The following PI4K2A variants were observed in gnomAD, a reference collection of about 807,000 sequenced individuals.
PI4K2A encodes phosphatidylinositol 4-kinase type 2 alpha.
A neutral mutation model predicts 55.0 loss-of-function variants in PI4K2A; 20 were observed. That is an observed-to-expected ratio of 0.36 (90% CI 0.26 to 0.53). The LOEUF (loss-of-function observed/expected upper bound fraction) is 0.53, where lower values mean the gene tolerates loss of function less well. Among genes scored for constraint, PI4K2A ranks in the 20% least tolerant of loss-of-function variants. PI4K2A has a pLI of 0.91. For missense variants in PI4K2A, 463 were observed against 637.1 expected (o/e 0.73, Z 2.94); for synonymous variants, 235 against 258.5 (o/e 0.91, Z 0.87).
intron 8 of PI4K2A, among the ~76,000 whole-genome samples, chr10:97,669,799 C>T (rs563936424): frequency 1.3e-5 from 2 of 149,714 alleles, no homozygotes; most frequent in African/African-American, 4.9e-5. Context: ...AGTGAAGAGG[C>T]CCCACAGGGA....
At chr10:97,657,067 C>A in intron 4 of PI4K2A, 93 bp downstream of exon 4, 1 of 1,219,532 alleles carries the variant, frequency 8.2e-7, no homozygotes, top group Non-Finnish European at 1.2e-6. Flanking sequence ...GTCAGAGTAC[C>A]TTGTCCAGAC....
At chr10:97,663,155 A>G (rs2041594262) in intron 5 of PI4K2A, among the ~76,000 whole-genome samples, 187 bp downstream of exon 5, 1 of 152,232 alleles carries the variant, frequency 6.6e-6, no homozygotes, top group Non-Finnish European at 1.5e-5. Context: ...CTACTGACAC[A>G]TGTTAATAGG....
intron 1 of PI4K2A, among the ~76,000 whole-genome samples, chr10:97,645,720 A>C (rs2041501938): frequency 2.0e-5 from 3 of 150,392 alleles, no homozygotes; most frequent in Admixed American, 2.0e-4. Flanking sequence ...ATTATATTTT[A>C]TTATATATAT....
chr10:97,650,880 G>C (rs909120307), intron 1 of PI4K2A, 61 bp from the exon 2 acceptor site: 7 of 1,212,994 alleles, frequency 5.8e-6, no homozygotes, highest in Non-Finnish European at 8.5e-6. Context: ...CTGCTGACTT[G>C]GTCTGTGGGC....
chr10:97,657,840 T>C (rs12778714), intron 4 of PI4K2A, among the ~76,000 whole-genome samples: 17 of 106,292 alleles, frequency 1.6e-4, no homozygotes, highest in African/African-American at 5.4e-4. Context: ...TCCAGAGCTC[T>C]TTTTGTTGTT....
intron 4 of PI4K2A, among the ~76,000 whole-genome samples, chr10:97,660,184 G>T (rs1281189245): frequency 2.7e-5 from 4 of 149,752 alleles, no homozygotes; most frequent in African/African-American, 9.9e-5. Flanking sequence ...TGTATTTTTA[G>T]TAGAGATGGG....
exon 1 of PI4K2A, chr10:97,641,000 T>G: frequency 6.5e-7 from 1 of 1,548,420 alleles, no homozygotes; most frequent in Non-Finnish European, 8.7e-7. Context: ...CTCTGGCCGC[T>G]CAGGCCGCGG....
intron 8 of PI4K2A, among the ~76,000 whole-genome samples, chr10:97,668,652 G>A (rs562455655): frequency 6.6e-6 from 1 of 152,022 alleles, no homozygotes; most frequent in Non-Finnish European, 1.5e-5. Flanking sequence ...AGTAGTACCT[G>A]GTATACTAAA....
rs118013296 is a variant in PI4K2A at position 97,656,914 on chromosome 10, C to T, written c.862C>T (p.Arg288Trp). The change falls in exon 4 of 9, where the codon CGG (arginine) becomes TGG (tryptophan). Residue 288 changes from arginine to tryptophan, a missense_variant. Arg to Trp is a moderately radical substitution (Grantham distance 101). Around this residue, in one of 2 missense-constraint regions of PI4K2A, gnomAD observed 277 missense variants for 432.6 expected, o/e 0.64. Coordinates refer to ENST00000370631, the Ensembl canonical transcript of PI4K2A. This position sits in a 1 kb window ranked among gnomAD's most constrained non-coding sequence, Gnocchi z 4.5. ...AGAACCTCTTCCTGAGAACACTAAC[C>T]GGCAACTACTGCTCCAGTTTGAGCG... The T allele has an allele frequency of 1.2e-4, 196 of 1,614,116 alleles. 1 individual carries two copies. Among genetic ancestry groups the T allele is most frequent in the South Asian group, 2.0e-4 (18 of 91,078 alleles).
chr10:97,659,868 A>G (rs2041572095), intron 4 of PI4K2A, among the ~76,000 whole-genome samples: 1 of 151,922 alleles, frequency 6.6e-6, no homozygotes. Flanking sequence ...TTTTGCCACT[A>G]CAATTGTTGT....
rs1354777496 is a variant in PI4K2A, at chr10:97,656,551, C to T, written c.768+135C>T. ...CCTGAGGATCCTGTCTTCCTTATTT[C>T]TGTCAAGTGGCTAAGGTTTGAAAAG... On this transcript the variant is annotated intron_variant, in intron 3 of 8. Transcript: ENST00000370631. The surrounding 1 kb of genome is among the most constrained non-coding windows in gnomAD (Gnocchi z 4.5). The T allele has an allele frequency of 1.1e-5, 9 of 851,578 alleles. No individual in the cohort carries two copies. The highest frequency in any genetic ancestry group is 1.6e-5 in the Non-Finnish European group (9 of 548,080). The allele number at this position is 851,578 out of a possible 1,614,324, so 52.8% of individuals were successfully genotyped here.
chr10:97,656,484 C>G lies in PI4K2A; in HGVS notation c.768+68C>G. 1 of 1,489,392 alleles carries G rather than the reference C, an allele frequency of 6.7e-7. No homozygotes were observed. The highest frequency in any genetic ancestry group is 9.3e-7 in the Non-Finnish European group (1 of 1,075,044). 92.3% of individuals were successfully genotyped at this position (1,489,392 alleles called of 1,614,324 possible). ...TGACATAGTCATCCAAGTGGTGAAG[C>G]AAGGTGCCTACAACTCAAATATGGG... is the stretch of plus-strand genomic sequence containing the variant. On this transcript the variant is annotated intron_variant, in intron 3 of 8. Coordinates refer to ENST00000370631, the Ensembl canonical transcript of PI4K2A. The surrounding 1 kb of genome is among the most constrained non-coding windows in gnomAD (Gnocchi z 4.5).
At chr10:97,658,195 C>T (rs947582043) in intron 4 of PI4K2A, among the ~76,000 whole-genome samples, 1 of 152,138 alleles carries the variant, frequency 6.6e-6, no homozygotes, top group African/African-American at 2.4e-5. Flanking sequence ...ACTCTTCATT[C>T]CCCCTCCCTA....
At chr10:97,662,614 C>T (rs922576330) in intron 4 of PI4K2A, among the ~76,000 whole-genome samples, 1 of 152,206 alleles carries the variant, frequency 6.6e-6, no homozygotes, top group South Asian at 2.1e-4. Context: ...ACCTCTCAAG[C>T]TCTTAGCCAG....
At chr10:97,640,934 G>T in exon 1 of PI4K2A, 1 of 1,384,604 alleles carries the variant, frequency 7.2e-7, no homozygotes. Flanking sequence ...TGTTGGATCG[G>T]GCCCGGGGCG....
exon 2 of PI4K2A, chr10:97,651,009 G>A (rs200984624): frequency 8.7e-6 from 14 of 1,613,992 alleles, no homozygotes; most frequent in East Asian, 2.2e-5. Flanking sequence ...AGTGGACCAA[G>A]TGGCTGCAGA....
At chr10:97,650,278 C>CTTTTTTTTTTTTTTTT (rs71007356) in intron 1 of PI4K2A, among the ~76,000 whole-genome samples, 5 of 108,112 alleles carry the variant, frequency 4.6e-5, no homozygotes, top group Non-Finnish European at 7.0e-5. Context: ...GCTTCTGTAC[C>CTTTTTTTTTTTTTTTT]TTTTTTTTTT....
chr10:97,654,904 G>A (rs1269066262), intron 2 of PI4K2A, among the ~76,000 whole-genome samples: 1 of 152,040 alleles, frequency 6.6e-6, no homozygotes, highest in African/African-American at 2.4e-5. Context: ...AGGGTAAACA[G>A]AGAAAAGTAA....
At chr10:97,670,634 C>A (rs1015437284) in intron 8 of PI4K2A, among the ~76,000 whole-genome samples, 3 of 152,094 alleles carry the variant, frequency 2.0e-5, no homozygotes, top group African/African-American at 7.2e-5. Flanking sequence ...CTGGCAAGTA[C>A]CAAAACAATT....
Sources: gnomAD v4.1 joint callset for allele counts (sites outside exome capture counted in the v4.1 genomes callset) on GRCh38, gnomAD v4.1.1 for gene constraint, gnomAD v4.1.1 regional missense constraint, Gnocchi (gnomAD v3.1) non-coding constraint, MANE v1.5 for transcripts, NCBI Gene and HGNC (gene_info 2026-07-23, HGNC 2026-07-21) for gene names.